Variants in NBEA observed in about 807,000 individuals in gnomAD.
NBEA encodes lysosomal-trafficking regulator 2.
Under a neutral mutation model 343.4 loss-of-function variants are expected in NBEA, and 44 were observed. That is an observed-to-expected ratio of 0.13 (90% CI 0.10 to 0.16). The LOEUF (loss-of-function observed/expected upper bound fraction) is 0.16, where lower values mean the gene tolerates loss of function less well. NBEA is among the 10% of genes least tolerant of loss of function. The pLI, the probability that NBEA is intolerant of heterozygous loss-of-function variation, is 1.00. For missense variants in NBEA, 2,555 were observed against 3,631.3 expected, an observed-to-expected ratio of 0.70 and a Z score of 7.62; for synonymous variants, 1,175 against 1,238.7, an observed-to-expected ratio of 0.95 and a Z score of 1.08.
intron 33 of NBEA, among the ~76,000 whole-genome samples, chr13:35,213,053 C>A (rs2152754628): frequency 1.3e-5 from 2 of 151,894 alleles, no homozygotes; most frequent in Middle Eastern, 3.4e-3. Flanking sequence ...TTTATAAGTG[C>A]TTTTGGTGTT....
At chr13:35,614,371 A>T (rs7338540) in intron 48 of NBEA, among the ~76,000 whole-genome samples, 1 of 152,008 alleles carries the variant, frequency 6.6e-6, no homozygotes. Flanking sequence ...ATATAATTCC[A>T]TATCTATTAT....
chr13:35,238,118 A>G (rs1297078059), intron 34 of NBEA, among the ~76,000 whole-genome samples: 1 of 152,258 alleles, frequency 6.6e-6, no homozygotes, highest in African/African-American at 2.4e-5. Flanking sequence ...ACTACTTAGA[A>G]TAGGTATGTA....
intron 38 of NBEA, 122 bp downstream of exon 38, chr13:35,352,445 C>A: frequency 1.7e-6 from 1 of 587,110 alleles, no homozygotes; most frequent in Non-Finnish European, 2.5e-6. Flanking sequence ...TAAAAAATTA[C>A]TTGAAAATTT....
At chr13:35,536,577 C>A (rs754756594) in intron 41 of NBEA, among the ~76,000 whole-genome samples, 1 of 151,924 alleles carries the variant, frequency 6.6e-6, no homozygotes, top group Admixed American at 6.6e-5. Context: ...GATAATAACA[C>A]TTTATATTAG....
At chr13:35,473,547 C>CAT (rs2075742719) in intron 41 of NBEA, among the ~76,000 whole-genome samples, 1 of 152,210 alleles carries the variant, frequency 6.6e-6, no homozygotes, top group South Asian at 2.1e-4. Context: ...TCAGCCTTTT[C>CAT]AGCACTTGTT....
intron 41 of NBEA, among the ~76,000 whole-genome samples, chr13:35,526,176 A>G (rs932304084): frequency 6.6e-6 from 1 of 152,200 alleles, no homozygotes. Context: ...TGGTATGTAT[A>G]TAGTTATATA....
At chr13:35,603,866 A>G (rs2082167350) in intron 47 of NBEA, among the ~76,000 whole-genome samples, 1 of 152,252 alleles carries the variant, frequency 6.6e-6, no homozygotes. Context: ...GGTCATATGC[A>G]AATAGCAATA....
At chr13:34,985,904 C>T (rs2060527001) in intron 1 of NBEA, among the ~76,000 whole-genome samples, 1 of 150,446 alleles carries the variant, frequency 6.6e-6, no homozygotes, top group Non-Finnish European at 1.5e-5. Flanking sequence ...TTTTTTATTG[C>T]ATTTATTTGA....
intron 38 of NBEA, among the ~76,000 whole-genome samples, chr13:35,359,668 T>C (rs2152873032): frequency 6.6e-6 from 1 of 152,254 alleles, no homozygotes. Flanking sequence ...CATGCATATT[T>C]CCAGATTCAG....
chr13:35,241,086 T>A (rs1407388325), intron 34 of NBEA, among the ~76,000 whole-genome samples: 1 of 151,844 alleles, frequency 6.6e-6, no homozygotes, highest in African/African-American at 2.4e-5. Context: ...TTAATAAAAA[T>A]TTGATTTAAA....
chr13:35,131,609 A>G (rs2067433348), intron 17 of NBEA, among the ~76,000 whole-genome samples: 1 of 152,184 alleles, frequency 6.6e-6, no homozygotes, highest in Non-Finnish European at 1.5e-5. Context: ...TGTTAGAAGC[A>G]TCCCCTTTGA....
chr13:35,110,389 A>C (rs545057037), intron 12 of NBEA, among the ~76,000 whole-genome samples: 2 of 152,130 alleles, frequency 1.3e-5, no homozygotes, highest in African/African-American at 2.4e-5. Context: ...AACTTTTAGG[A>C]TATATGACAA....
chr13:35,081,490 A>T (rs2064394449), intron 10 of NBEA, among the ~76,000 whole-genome samples: 1 of 151,840 alleles, frequency 6.6e-6, no homozygotes, highest in South Asian at 2.1e-4. Flanking sequence ...AAACAAATTC[A>T]ATCTAAATAT....
At chr13:35,661,010 ACC>A (rs2085066429) in intron 55 of NBEA, among the ~76,000 whole-genome samples, 1 of 152,042 alleles carries the variant, frequency 6.6e-6, no homozygotes, top group African/African-American at 2.4e-5. Context: ...CCACTCATCC[ACC>A]CCATCCCCTC....
intron 8 of NBEA, among the ~76,000 whole-genome samples, chr13:35,069,272 C>A (rs1372019049): frequency 6.6e-6 from 1 of 152,094 alleles, no homozygotes; most frequent in African/African-American, 2.4e-5. Context: ...AGATTCATAT[C>A]TGCAGAGCAA....
intron 38 of NBEA, among the ~76,000 whole-genome samples, chr13:35,370,022 T>C (rs1251329944): frequency 6.6e-6 from 1 of 151,988 alleles, no homozygotes; most frequent in Non-Finnish European, 1.5e-5. Context: ...TGAAATATTC[T>C]ATAAATGTCT....
chr13:35,430,664 T>C (rs1156319721), intron 38 of NBEA, among the ~76,000 whole-genome samples: 1 of 152,150 alleles, frequency 6.6e-6, no homozygotes, highest in African/African-American at 2.4e-5. Flanking sequence ...GAAGAGTATG[T>C]CTATGGTTAG....
In NBEA at chr13:35,648,358, G is replaced by A. The variant is rs371710003; in HGVS notation, c.7771-1297G>A. On this transcript the variant is annotated intron_variant, in intron 51 of 58. Transcript: ENST00000379939. ...GCCGTATAAACCCCTCAGCCACATT[G>A]TAGACATAGAGATGTGGCCTCGGAG... is the stretch of plus-strand genomic sequence containing the variant. 6.6e-4 allele frequency among the ~76,000 whole-genome samples: 101 copies of A among 152,054 alleles called. No individual in the cohort carries two copies. In the South Asian group the frequency reaches 0.02, roughly 29 times the overall value.
intron 47 of NBEA, among the ~76,000 whole-genome samples, chr13:35,597,544 TA>T (rs1327186581): frequency 1.3e-5 from 2 of 152,114 alleles, no homozygotes; most frequent in Non-Finnish European, 1.5e-5. Flanking sequence ...TAATACTGAA[TA>T]GTTTTCAAAC....
Sources: gnomAD v4.1 joint callset for allele counts (sites outside exome capture counted in the v4.1 genomes callset) on GRCh38, gnomAD v4.1.1 for gene constraint, MANE v1.5 for transcripts, NCBI Gene and HGNC (gene_info 2026-07-23, HGNC 2026-07-21) for gene names.